Variants in LDB2 observed in about 807,000 individuals in gnomAD.
The protein encoded by LDB2 is LIM domain binding 2, also known as LIM domain-binding protein 2.
A neutral mutation model predicts 44.3 loss-of-function variants in LDB2; 12 were observed. That is an observed-to-expected ratio of 0.27 (90% CI 0.17 to 0.44). The LOEUF is 0.44. Among genes scored for constraint, LDB2 ranks in the 20% least tolerant of loss-of-function variants. The pLI is 1.00. For missense variants in LDB2, 344 were observed against 473.5 expected, an observed-to-expected ratio of 0.73 and a Z score of 2.54; for synonymous variants, 164 against 174.8, an observed-to-expected ratio of 0.94 and a Z score of 0.49.
At chr4:16,655,038 G>A (rs1301199355) in intron 2 of LDB2, among the ~76,000 whole-genome samples, 2 of 152,094 alleles carry the variant, frequency 1.3e-5, no homozygotes, top group Non-Finnish European at 2.9e-5. Context: ...AGATTCGAAC[G>A]AAATCTGCAC....
At chr4:16,709,105 C>T (rs188784799) in intron 2 of LDB2, among the ~76,000 whole-genome samples, 1 of 146,382 alleles carries the variant, frequency 6.8e-6, no homozygotes, top group East Asian at 2.1e-4. Context: ...ATTCTATCAC[C>T]GAATTCTCAT....
At chr4:16,559,533 G>A (rs1225841009) in intron 5 of LDB2, among the ~76,000 whole-genome samples, 2 of 152,198 alleles carry the variant, frequency 1.3e-5, no homozygotes, top group African/African-American at 2.4e-5. Context: ...AAATATATAT[G>A]CACCCAATAC....
intron 2 of LDB2, among the ~76,000 whole-genome samples, chr4:16,662,794 C>G (rs112140717): frequency 6.6e-6 from 1 of 151,824 alleles, no homozygotes; most frequent in Non-Finnish European, 1.5e-5. Flanking sequence ...GATTGTGAGG[C>G]CTCCCAAGCC....
chr4:16,509,035 CT>C (rs749188096), intron 6 of LDB2, among the ~76,000 whole-genome samples: 10 of 152,028 alleles, frequency 6.6e-5, no homozygotes, highest in Non-Finnish European at 1.3e-4. Context: ...ATTTGGGAAA[CT>C]TTTTTCCTCT....
At chr4:16,530,831 T>TGTTACTCC (rs1305150022) in intron 5 of LDB2, among the ~76,000 whole-genome samples, 1 of 152,184 alleles carries the variant, frequency 6.6e-6, no homozygotes, top group Non-Finnish European at 1.5e-5. Context: ...CTAGTTACTC[T>TGTTACTCC]GTTACTCCAT....
intron 2 of LDB2, among the ~76,000 whole-genome samples, chr4:16,661,051 T>C (rs1249324774): frequency 6.6e-6 from 1 of 152,222 alleles, no homozygotes; most frequent in Non-Finnish European, 1.5e-5. Flanking sequence ...AATTATACCC[T>C]GTTCTTTCCA....
chr4:16,773,749 T>C (rs1459500378), intron 1 of LDB2, among the ~76,000 whole-genome samples: 1 of 152,094 alleles, frequency 6.6e-6, no homozygotes, highest in South Asian at 2.1e-4. Context: ...TTTCTTTTTT[T>C]AGAGAGACAG....
chr4:16,522,706 T>C (rs1203632335), intron 5 of LDB2, among the ~76,000 whole-genome samples: 1 of 152,190 alleles, frequency 6.6e-6, no homozygotes, highest in Non-Finnish European at 1.5e-5. Context: ...GATGATACAA[T>C]GGATGTCTAA....
intron 1 of LDB2, among the ~76,000 whole-genome samples, chr4:16,854,358 T>A (rs1788895993): frequency 6.6e-6 from 1 of 151,344 alleles, no homozygotes; most frequent in Non-Finnish European, 1.5e-5. Flanking sequence ...GAAGTCACAG[T>A]TATATAATTC....
intron 2 of LDB2, among the ~76,000 whole-genome samples, chr4:16,613,475 GTTTA>G (rs1380190949): frequency 2.0e-5 from 3 of 152,124 alleles, no homozygotes; most frequent in African/African-American, 7.2e-5. Flanking sequence ...TCCAACATAT[GTTTA>G]TTTATGAAAT....
At chr4:16,887,306 T>C (rs770350010) in intron 1 of LDB2, among the ~76,000 whole-genome samples, 8 of 152,078 alleles carry the variant, frequency 5.3e-5, no homozygotes, top group Admixed American at 1.3e-4. Flanking sequence ...TAGCCCCGCT[T>C]GGGTTTGACT....
At chr4:16,519,441 G>A (rs1190201743) in intron 5 of LDB2, among the ~76,000 whole-genome samples, 1 of 151,880 alleles carries the variant, frequency 6.6e-6, no homozygotes, top group Admixed American at 6.6e-5. Flanking sequence ...CTATTAACTC[G>A]TAACTGCTAT....
At position 16,512,138 on chromosome 4, in the gene LDB2, A is replaced by G. The variant is rs569263903; in HGVS notation, c.616-34T>C. ...AGTTCAAAGACATTGGCATTTCACT[A>G]CTTCATAACACTAATTACAATAAAT... On this transcript the variant is annotated intron_variant, in intron 5 of 7. Coordinates refer to ENST00000304523, the MANE Select transcript of LDB2 (RefSeq NM_001290.5). The G allele has an allele frequency of 3.3e-6, 5 of 1,538,354 alleles. 1 individual carries two copies. The highest frequency in any genetic ancestry group is 3.5e-6 in the Non-Finnish European group (4 of 1,131,980).
chr4:16,593,251 A>T (rs112720073), intron 3 of LDB2, among the ~76,000 whole-genome samples: 2 of 152,326 alleles, frequency 1.3e-5, no homozygotes, highest in African/African-American at 4.8e-5. Context: ...CTGCCTGCAC[A>T]TAATATGCTA....
intron 2 of LDB2, among the ~76,000 whole-genome samples, chr4:16,702,389 C>G (rs1313492856): frequency 2.0e-5 from 3 of 152,128 alleles, no homozygotes; most frequent in Admixed American, 6.5e-5. Flanking sequence ...CTCCCGTTCC[C>G]CTCCCACTCC....
intron 5 of LDB2, among the ~76,000 whole-genome samples, chr4:16,583,643 C>T (rs776325191): frequency 7.2e-5 from 11 of 152,218 alleles, no homozygotes; most frequent in African/African-American, 1.4e-4. Flanking sequence ...CTGTCATTCT[C>T]AGTGACCTAC....
intron 1 of LDB2, among the ~76,000 whole-genome samples, chr4:16,841,135 AT>A (rs201644625): frequency 1.1e-4 from 17 of 151,336 alleles, no homozygotes; most frequent in African/African-American, 2.2e-4. Flanking sequence ...ATAGAATACC[AT>A]TTTTTTTTCT....
At chr4:16,730,618 T>C (rs1760535878) in intron 2 of LDB2, among the ~76,000 whole-genome samples, 1 of 152,220 alleles carries the variant, frequency 6.6e-6, no homozygotes, top group African/African-American at 2.4e-5. Flanking sequence ...CATTCTATTT[T>C]ATCCATGAGA....
chr4:16,774,121 C>T (rs1022974315), intron 1 of LDB2, among the ~76,000 whole-genome samples: 149 of 139,932 alleles, frequency 1.1e-3, no homozygotes, highest in Non-Finnish European at 1.9e-3. Flanking sequence ...CGCCATTGCA[C>T]TCCAGCCTGG....
Sources: gnomAD v4.1 joint callset for allele counts (sites outside exome capture counted in the v4.1 genomes callset) on GRCh38, gnomAD v4.1.1 for gene constraint, MANE v1.5 for transcripts, NCBI Gene and HGNC (gene_info 2026-07-23, HGNC 2026-07-21) for gene names.